IL20RA: variants seen among roughly 807,000 people sequenced by gnomAD.
IL20RA encodes interleukin 20 receptor subunit alpha, also known as interleukin-20 receptor subunit alpha.
IL20RA carries 29 observed loss-of-function variants against 36.5 expected under a neutral mutation model. That is an observed-to-expected ratio of 0.79 (90% CI 0.59 to 1.08). IL20RA has a LOEUF of 1.08. Among genes scored for constraint, IL20RA ranks in the 50% least tolerant of loss-of-function variants. IL20RA has a pLI of 0.00. For synonymous variants in IL20RA, 279 were observed against 267.1 expected, an observed-to-expected ratio of 1.04 and a Z score of -0.43; for missense variants, 652 against 668.4, an observed-to-expected ratio of 0.98 and a Z score of 0.27.
chr6:137,032,751 G>C (rs951494084), intron 1 of IL20RA, among the ~76,000 whole-genome samples: 2 of 152,194 alleles, frequency 1.3e-5, no homozygotes, highest in African/African-American at 4.8e-5. Flanking sequence ...GTGTTCGGTA[G>C]CCATCAAGAA....
At chr6:137,019,255 T>C (rs1775818482) in intron 1 of IL20RA, among the ~76,000 whole-genome samples, 1 of 151,920 alleles carries the variant, frequency 6.6e-6, no homozygotes, top group Non-Finnish European at 1.5e-5. Flanking sequence ...GCCTCCCAAA[T>C]AGTTGGGATT....
At chr6:137,016,324 G>A (rs1274976339) in intron 2 of IL20RA, among the ~76,000 whole-genome samples, 1 of 152,190 alleles carries the variant, frequency 6.6e-6, no homozygotes, top group Admixed American at 6.5e-5. Context: ...TGTTAGGTGG[G>A]CCTCTTTGCA....
Position 137,001,934 on chromosome 6 carries a change from C to T in IL20RA, c.1286G>A (p.Gly429Glu), listed in dbSNP as rs138424318. The change falls in exon 7 of 7, where the codon GGA becomes GAA. Residue 429 changes from glycine to glutamate, a missense_variant. Physicochemically the swap from Gly to Glu is moderately conservative, Grantham distance 98. Coordinates refer to ENST00000316649, the MANE Select transcript of IL20RA (RefSeq NM_014432.4). The part of the protein sequence containing the change: ...LSLQEEVSTQ[G>E]TLLESQAALA... ...CGCTGCCTGCGACTCCAATAATGTT[C>T]CTTGTGTGGACACCTCCTCCTGCAA... 1.4e-4 allele frequency: 220 copies of T among 1,614,136 alleles called. 2 individuals carry two copies. Among genetic ancestry groups the T allele is most frequent in the African/African-American group, 6.5e-4 (49 of 75,046 alleles).
chr6:137,028,414 T>TAAAA (rs36068116), intron 1 of IL20RA, among the ~76,000 whole-genome samples: 8 of 117,288 alleles, frequency 6.8e-5, no homozygotes, highest in African/African-American at 2.6e-4. Context: ...AGACTCCATC[T>TAAAA]AAAAAAAAAA....
chr6:137,034,640 T>C (rs1776412506), intron 1 of IL20RA, among the ~76,000 whole-genome samples: 1 of 152,070 alleles, frequency 6.6e-6, no homozygotes, highest in African/African-American at 2.4e-5. Context: ...CAGCTCCCAC[T>C]TAAGAGTGAG....
chr6:137,010,771 G>A (rs970980477), intron 3 of IL20RA, among the ~76,000 whole-genome samples: 2 of 152,108 alleles, frequency 1.3e-5, no homozygotes, highest in Admixed American at 1.3e-4. Context: ...CAATCTTGTG[G>A]AGACATTAAT....
At chr6:137,021,777 C>T (rs373464527) in intron 1 of IL20RA, among the ~76,000 whole-genome samples, 123 of 151,992 alleles carry the variant, frequency 8.1e-4, no homozygotes, top group African/African-American at 2.8e-3. Context: ...TGTATTTAGT[C>T]GATATGAGCA....
At position 137,002,375 on chromosome 6, in the gene IL20RA, T is replaced by C; in HGVS notation, c.865-20A>G. 1 of 1,491,796 alleles carries C rather than the reference T, an allele frequency of 6.7e-7. No homozygotes were observed. The highest frequency in any genetic ancestry group is 1.3e-5 in the South Asian group (1 of 78,432). 92.4% of individuals were successfully genotyped at this position (1,491,796 alleles called of 1,614,324 possible). On this transcript the variant is annotated intron_variant, in intron 6 of 6. Coordinates refer to ENST00000316649, the MANE Select transcript of IL20RA (RefSeq NM_014432.4). ...CAAAATCTATAAAGAGAAAAGAGAA[T>C]GATTTTCACCTTTTCACTTTAGAGA...
intron 1 of IL20RA, among the ~76,000 whole-genome samples, chr6:137,021,574 G>A (rs560592802): frequency 2.0e-5 from 3 of 151,886 alleles, no homozygotes; most frequent in South Asian, 4.2e-4. Flanking sequence ...AGCTATTTGG[G>A]AGGTTGGGGC....
At chr6:137,037,098 G>A (rs1048749367) in intron 1 of IL20RA, among the ~76,000 whole-genome samples, 8 of 152,130 alleles carry the variant, frequency 5.3e-5, no homozygotes, top group South Asian at 2.1e-4. Context: ...CTATGCAGCC[G>A]AGAAGAAGCG....
At chr6:137,014,017 G>C (rs1466953680) in intron 2 of IL20RA, among the ~76,000 whole-genome samples, 1 of 152,132 alleles carries the variant, frequency 6.6e-6, no homozygotes, top group Non-Finnish European at 1.5e-5. Flanking sequence ...AAACATAAAG[G>C]ACAGAGCAAG....
chr6:137,022,830 G>T (rs1227404986), intron 1 of IL20RA, among the ~76,000 whole-genome samples: 1 of 152,154 alleles, frequency 6.6e-6, no homozygotes, highest in Non-Finnish European at 1.5e-5. Flanking sequence ...TGAAGACGAA[G>T]GACTGGAGTG....
At chr6:137,004,498 C>T in intron 6 of IL20RA, 123 bp downstream of exon 6, 1 of 985,010 alleles carries the variant, frequency 1.0e-6, no homozygotes, top group African/African-American at 1.6e-5. Context: ...TTTAATTCAC[C>T]AGCTATTTAA....
chr6:137,023,999 CAGA>C (rs1052868323), intron 1 of IL20RA, among the ~76,000 whole-genome samples: 1 of 152,116 alleles, frequency 6.6e-6, no homozygotes. Flanking sequence ...GAGGCTGAGG[CAGA>C]AGAATTGCTT....
intron 1 of IL20RA, among the ~76,000 whole-genome samples, chr6:137,018,424 T>C (rs1775777731): frequency 6.6e-6 from 1 of 152,212 alleles, no homozygotes; most frequent in Non-Finnish European, 1.5e-5. Flanking sequence ...TCATGACTCC[T>C]ACTTTTAACC....
In IL20RA at chr6:137,001,905, C is replaced by G; in HGVS notation, c.1315G>C (p.Ala439Pro). 5 of 1,613,834 alleles carry G rather than the reference C, an allele frequency of 3.1e-6. No individual in the cohort carries two copies. Among genetic ancestry groups the G allele is most frequent in the Non-Finnish European group, 2.5e-6 (3 of 1,179,948 alleles). ...GTLLESQAAL[A>P]VLGPQTLQYS... ...TGTAACGTTTGCGGGCCCAAGACTGCCAACGCTGCCTGCGACTCCAATAAT... is the reference window on the plus strand; with the variant it reads ...TGTAACGTTTGCGGGCCCAAGACTGGCAACGCTGCCTGCGACTCCAATAAT... Residue 439 changes from alanine (A) to proline (P), a missense_variant, in exon 7 of 7, where the codon GCA (alanine) becomes CCA (proline). Ala to Pro is a conservative substitution (Grantham distance 27). Coordinates refer to ENST00000316649, the MANE Select transcript of IL20RA (RefSeq NM_014432.4).
At chr6:137,039,651 T>G (rs374872896) in intron 1 of IL20RA, among the ~76,000 whole-genome samples, 1 of 152,070 alleles carries the variant, frequency 6.6e-6, no homozygotes, top group Non-Finnish European at 1.5e-5. Context: ...TGTCAGAATA[T>G]CACAATGACA....
At position 137,016,851 on chromosome 6, in the gene IL20RA, T is replaced by G; in HGVS notation, c.224+117A>C. On this transcript the variant is annotated intron_variant, in intron 2 of 6. Coordinates refer to ENST00000316649, the MANE Select transcript of IL20RA (RefSeq NM_014432.4). ...TCCAGAAAACTTAACCTGAAATATC[T>G]AAAACTTTTCTCTTTTTCAAACACA... The G allele has an allele frequency of 3.1e-6, 3 of 973,272 alleles. No homozygotes were observed. In the African/African-American group the frequency reaches 5.0e-5, roughly 16 times the overall value. 60.3% of individuals were successfully genotyped at this position (973,272 alleles called of 1,614,324 possible).
intron 1 of IL20RA, among the ~76,000 whole-genome samples, chr6:137,033,305 A>G (rs538955793): frequency 1.3e-5 from 2 of 152,302 alleles, no homozygotes; most frequent in East Asian, 3.9e-4. Context: ...ACACCAGTCC[A>G]CCCTAATTCT....
Sources: allele counts gnomAD v4.1 joint callset (sites outside exome capture counted in the v4.1 genomes callset), GRCh38; gene constraint gnomAD v4.1.1; transcripts MANE v1.5; gene names NCBI Gene and HGNC (gene_info 2026-07-23, HGNC 2026-07-21).